B3GALNT2: variants seen among roughly 807,000 people sequenced by gnomAD.
B3GALNT2 encodes the protein UDP-GalNAc:beta-1,3-N-acetylgalactosaminyltransferase 2.
Under a neutral mutation model 61.1 loss-of-function variants are expected in B3GALNT2, and 53 were observed. The observed-to-expected ratio is 0.87, with a 90% CI of 0.70 to 1.09. The LOEUF is 1.09. Ranked by LOEUF, B3GALNT2 falls within the 50% of genes least tolerant of loss-of-function variation. B3GALNT2 has a pLI of 0.00. For synonymous variants in B3GALNT2, 223 were observed against 237.4 expected, an observed-to-expected ratio of 0.94 and a Z score of 0.56; for missense variants, 544 against 623.0, an observed-to-expected ratio of 0.87 and a Z score of 1.35.
intron 5 of B3GALNT2, among the ~76,000 whole-genome samples, chr1:235,475,679 T>C (rs1300766268): frequency 6.6e-6 from 1 of 152,200 alleles, no homozygotes; most frequent in Admixed American, 6.5e-5. Context: ...AGAGAATTTT[T>C]TTAATTGCTA....
At chr1:235,455,491 T>C (rs1337610447) in intron 9 of B3GALNT2, 68 bp downstream of exon 9, 1 of 1,510,940 alleles carries the variant, frequency 6.6e-7, no homozygotes, top group Admixed American at 1.9e-5. Context: ...AAAAAAGATA[T>C]TTTATGCTTT....
Position 235,498,383 on chromosome 1 carries a change from T to C in B3GALNT2, c.113-3555A>G, listed in dbSNP as rs138829722. ...TAATTCAGAAAAGAAAAAAGGCAAA[T>C]AGCAAGCCTATGAAAACATGTTCAA... On this transcript the variant is annotated intron_variant, in intron 1 of 11. Transcript: ENST00000366600. Among the ~76,000 whole-genome samples the C allele has an allele frequency of 5.3e-5, 8 of 152,138 alleles. No individual in the cohort carries two copies. The East Asian group carries it at 1.5e-3, about 29-fold the overall frequency.
intron 7 of B3GALNT2, chr1:235,463,938 T>C (rs976859309): frequency 7.2e-5 from 11 of 152,152 alleles, no homozygotes; most frequent in East Asian, 3.8e-4. Flanking sequence ...CGCAGACACA[T>C]AGATCAATGG....
At chr1:235,479,349 G>C (rs1297873240) in intron 5 of B3GALNT2, 1 of 152,220 alleles carries the variant, frequency 6.6e-6, no homozygotes, top group Non-Finnish European at 1.5e-5. Flanking sequence ...TGTGGTTCCA[G>C]AGCACTGAGT....
At position 235,462,048 on chromosome 1, in the gene B3GALNT2, A is replaced by G. The variant is rs139080291; in HGVS notation, c.842-3262T>C. ...AGTTTAAGGTAGGTGAGGCTAAGCTATAACATTCGGCAGGCTAAGTGTATG... is the reference window on the plus strand; with the variant it reads ...AGTTTAAGGTAGGTGAGGCTAAGCTGTAACATTCGGCAGGCTAAGTGTATG... On this transcript the variant is annotated intron_variant, in intron 7 of 11. Transcript: ENST00000366600. 3.2e-4 allele frequency among the ~76,000 whole-genome samples: 49 copies of G among 152,338 alleles called. No individual in the cohort carries two copies. The East Asian group carries it at 8.3e-3, about 26-fold the overall frequency.
chr1:235,452,019 GT>G (rs5781831), intron 11 of B3GALNT2: 109,136 of 149,996 alleles, frequency 0.73, 40,427 homozygotes, highest in African/African-American at 0.89. Flanking sequence ...CTGTCGTTCA[GT>G]TTTTTTTTTT....
At chr1:235,454,030 G>T in intron 10 of B3GALNT2, 126 bp downstream of exon 10, 2 of 782,808 alleles carry the variant, frequency 2.6e-6, no homozygotes, top group Non-Finnish European at 3.8e-6. Context: ...ATAGAGATGG[G>T]GTCTTGCTAT....
chr1:235,453,859 CCTTT>C (rs1296908329), intron 10 of B3GALNT2, among the ~76,000 whole-genome samples: 2 of 152,134 alleles, frequency 1.3e-5, no homozygotes, highest in African/African-American at 4.8e-5. Context: ...GCATCCTTAA[CCTTT>C]GAGAGGTGAT....
chr1:235,441,245 A>C, the B3GALNT2 span: 2 of 155,554 alleles, frequency 1.3e-5, no homozygotes, highest in Admixed American at 6.3e-5. Context: ...AGAGCAGGAA[A>C]AAAGTACTGC....
intron 9 of B3GALNT2, among the ~76,000 whole-genome samples, chr1:235,454,592 T>C (rs1282599804): frequency 6.6e-6 from 1 of 151,706 alleles, no homozygotes; most frequent in African/African-American, 2.4e-5. Context: ...GCGCACACCA[T>C]CATGACCAGC....
rs149184729 is a variant in B3GALNT2, at chr1:235,502,542, C to G, written c.112+1599G>C. The stretch of plus-strand genomic sequence containing the variant: ...ACCTACGTTATTACCCTGTTCCTTT[C>G]TATGGTCTACTTCTTCATTTCCTTA... On this transcript the variant is annotated intron_variant, in intron 1 of 11. Coordinates refer to ENST00000366600, the MANE Select transcript of B3GALNT2 (RefSeq NM_152490.5). Among the ~76,000 whole-genome samples the G allele has an allele frequency of 4.6e-5, 7 of 152,314 alleles. No homozygotes were observed. In the East Asian group the frequency reaches 1.3e-3, roughly 29 times the overall value.
intron 11 of B3GALNT2, chr1:235,451,798 T>C (rs1295356439): frequency 6.6e-6 from 1 of 152,196 alleles, no homozygotes; most frequent in Non-Finnish European, 1.5e-5. Flanking sequence ...GCTGCAAGAA[T>C]CCAGAACAGA....
Position 235,470,948 on chromosome 1 carries a change from T to A in B3GALNT2, c.664A>T (p.Thr222Ser), listed in dbSNP as rs375121424. Residue 222 changes from threonine to serine, a missense_variant, in exon 6 of 12, where the codon ACA becomes TCA. By Grantham distance (58) the Thr-to-Ser change is moderately conservative (BLOSUM62 1). Transcript: ENST00000366600. ...AGGTCTTGGCTCTCCCACACGATTG[T>A]ACCTTCAAAGCTCTTTTGTAGAAAG... The part of the protein sequence containing the change: ...QFILPESFEG[T>S]IVWESQDLHG... 1 of 1,613,992 alleles carries A rather than the reference T, an allele frequency of 6.2e-7. No individual in the cohort carries two copies. Among genetic ancestry groups the A allele is most frequent in the Non-Finnish European group, 8.5e-7 (1 of 1,179,886 alleles).
At chr1:235,478,755 T>C (rs1684417890) in intron 5 of B3GALNT2, among the ~76,000 whole-genome samples, 2 of 152,218 alleles carry the variant, frequency 1.3e-5, no homozygotes, top group South Asian at 4.1e-4. Flanking sequence ...ATGTTCGTGA[T>C]ATGTTAAAGT....
intron 1 of B3GALNT2, among the ~76,000 whole-genome samples, chr1:235,497,827 T>C (rs1277710533): frequency 6.6e-6 from 1 of 152,174 alleles, no homozygotes; most frequent in Non-Finnish European, 1.5e-5. Flanking sequence ...AAGATTTTTC[T>C]AAAAATAATA....
At chr1:235,456,347 T>A (rs1043343162) in intron 8 of B3GALNT2, among the ~76,000 whole-genome samples, 6 of 152,192 alleles carry the variant, frequency 3.9e-5, no homozygotes, top group African/African-American at 1.2e-4. Flanking sequence ...TCCCTGTACA[T>A]CTGTTTAAAA....
downstream of B3GALNT2, among the ~76,000 whole-genome samples, chr1:235,446,069 A>G (rs1003186602): frequency 1.3e-5 from 2 of 152,230 alleles, no homozygotes; most frequent in Non-Finnish European, 2.9e-5. Flanking sequence ...TGGCTGCCAT[A>G]CTGGGCAGTG....
chr1:235,451,518 GAAC>G (rs956256668), intron 11 of B3GALNT2: 1 of 143,772 alleles, frequency 7.0e-6, no homozygotes, highest in African/African-American at 2.5e-5. Context: ...CAAGCGCCAT[GAAC>G]AACAGTTGTA....
chr1:235,445,978 T>C (rs1036977026), downstream of B3GALNT2, among the ~76,000 whole-genome samples: 1 of 152,158 alleles, frequency 6.6e-6, no homozygotes, highest in Non-Finnish European at 1.5e-5. Flanking sequence ...TAACCACATG[T>C]GGCTATTTAA....
Sources: gnomAD v4.1 joint callset for allele counts (sites outside exome capture counted in the v4.1 genomes callset) on GRCh38, gnomAD v4.1.1 for gene constraint, MANE v1.5 for transcripts, NCBI Gene and HGNC (gene_info 2026-07-23, HGNC 2026-07-21) for gene names.